TECPR2: variants seen among roughly 807,000 people sequenced by gnomAD.
The protein encoded by TECPR2 is tectonin beta-propeller repeat-containing protein 2.
Under a neutral mutation model 138.1 loss-of-function variants are expected in TECPR2, and 65 were observed. That is an observed-to-expected ratio of 0.47 (90% CI 0.39 to 0.58). The LOEUF is 0.58. TECPR2 is among the 20% of genes least tolerant of loss of function. The pLI, the probability that TECPR2 is intolerant of heterozygous loss-of-function variation, is 0.00. For synonymous variants in TECPR2, 746 were observed against 749.8 expected (o/e 0.99, Z 0.08); for missense variants, 1,553 against 1,824.5 (o/e 0.85, Z 2.71).
intron 2 of TECPR2, among the ~76,000 whole-genome samples, chr14:102,402,009 A>G (rs1471526582): frequency 1.3e-5 from 2 of 152,166 alleles, no homozygotes; most frequent in Non-Finnish European, 2.9e-5. Context: ...CCCACTATCA[A>G]TAATGGATAG....
chr14:102,412,261 A>G (rs1296866758), intron 4 of TECPR2, among the ~76,000 whole-genome samples: 7 of 150,784 alleles, frequency 4.6e-5, no homozygotes, highest in Non-Finnish European at 1.0e-4. Context: ...CCTCCCGAGT[A>G]GCTGGGACTA....
intron 1 of TECPR2, among the ~76,000 whole-genome samples, chr14:102,373,068 T>A (rs1382853173): frequency 6.6e-6 from 1 of 152,168 alleles, no homozygotes; most frequent in Non-Finnish European, 1.5e-5. Flanking sequence ...ACTATTTCTG[T>A]GCCTTGGAAA....
chr14:102,407,395 G>A lies in TECPR2; in HGVS notation c.277G>A (p.Ala93Thr). The change falls in exon 3 of 20, where the codon GCA (alanine) becomes ACA (threonine). Residue 93 changes from alanine (A) to threonine (T), a missense_variant. Physicochemically the swap from Ala to Thr is moderately conservative, Grantham distance 58. Coordinates refer to ENST00000359520, the MANE Select transcript of TECPR2 (RefSeq NM_014844.5). Reference protein sequence around the residue: ...KLLSCFDDLVAAGTASGRVAV... With the variant: ...KLLSCFDDLVTAGTASGRVAV... ...GCTGAGCTGCTTTGATGACCTGGTG[G>A]CAGCAGGCACAGCCTCTGGCAGGGT... 2 of 1,613,702 alleles carry A rather than the reference G, an allele frequency of 1.2e-6. No homozygotes were observed. Among genetic ancestry groups the A allele is most frequent in the Non-Finnish European group, 1.7e-6 (2 of 1,179,820 alleles).
At chr14:102,433,209 A>G (rs1201246800) in intron 8 of TECPR2, among the ~76,000 whole-genome samples, 1 of 151,706 alleles carries the variant, frequency 6.6e-6, no homozygotes, top group Non-Finnish European at 1.5e-5. Flanking sequence ...TTTTATTTTA[A>G]ATACAGGGGG....
At chr14:102,438,575 C>T (rs1889744124) in intron 10 of TECPR2, 1 of 185,950 alleles carries the variant, frequency 5.4e-6, no homozygotes, top group Non-Finnish European at 1.1e-5. Context: ...GTTTCTCTTT[C>T]TCATTGTTGC....
chr14:102,382,043 C>T (rs1412326156), intron 2 of TECPR2, among the ~76,000 whole-genome samples: 1 of 152,124 alleles, frequency 6.6e-6, no homozygotes, highest in African/African-American at 2.4e-5. Context: ...CCTGTAATCC[C>T]AGCACTTTGG....
chr14:102,463,811 C>T (rs961152472), intron 16 of TECPR2, among the ~76,000 whole-genome samples: 1 of 151,382 alleles, frequency 6.6e-6, no homozygotes, highest in African/African-American at 2.4e-5. Context: ...GTAATCCCAG[C>T]TACTCAGGAG....
At chr14:102,491,748 C>T (rs1891164677) in intron 17 of TECPR2, among the ~76,000 whole-genome samples, 1 of 152,200 alleles carries the variant, frequency 6.6e-6, no homozygotes, top group Non-Finnish European at 1.5e-5. Flanking sequence ...CCACTCCAGG[C>T]AGAGTCAGGG....
At chr14:102,484,768 C>T (rs532899027) in intron 17 of TECPR2, among the ~76,000 whole-genome samples, 51 of 152,174 alleles carry the variant, frequency 3.4e-4, no homozygotes, top group Non-Finnish European at 5.9e-4. Context: ...AAGCAATTCT[C>T]TGCCTCAGCC....
intron 17 of TECPR2, among the ~76,000 whole-genome samples, chr14:102,490,093 C>A (rs1474314538): frequency 6.6e-6 from 1 of 152,132 alleles, no homozygotes; most frequent in Non-Finnish European, 1.5e-5. Flanking sequence ...TGAATCAGGT[C>A]ACTGTGATGA....
rs184987682 is a variant in TECPR2 at position 102,472,568 on chromosome 14, A to G, written c.3789+7279A>G. On this transcript the variant is annotated intron_variant, in intron 17 of 19. Transcript: ENST00000359520. ...TCATTGAGTTAGCTTTTAGCATGCTATGGAAGACATTCAGTTTGCCATGGA... is the reference window on the plus strand; with the variant it reads ...TCATTGAGTTAGCTTTTAGCATGCTGTGGAAGACATTCAGTTTGCCATGGA... Among the ~76,000 whole-genome samples the G allele has an allele frequency of 4.5e-3, 681 of 152,338 alleles. 2 individuals are homozygous for G. Among genetic ancestry groups the G allele is most frequent in the Non-Finnish European group, 6.9e-3 (471 of 68,032 alleles).
rs1373201713 is a variant in TECPR2 at position 102,415,034 on chromosome 14, G to A, written c.638+241G>A. Among the ~76,000 whole-genome samples, 1 of 152,168 alleles carries A rather than the reference G, an allele frequency of 6.6e-6. No individual in the cohort carries two copies. Among genetic ancestry groups the A allele is most frequent in the Non-Finnish European group, 1.5e-5 (1 of 68,026 alleles). ...AGGAGCCTGCACACACAGCCACTCT[G>A]CCTCTCAGGGTGCCACAGTCAGCGC... is the stretch of plus-strand genomic sequence containing the variant. On this transcript the variant is annotated intron_variant, in intron 5 of 19. Coordinates refer to ENST00000359520, the MANE Select transcript of TECPR2 (RefSeq NM_014844.5). The surrounding 1 kb of genome is among the most constrained non-coding windows in gnomAD (Gnocchi z 4.3).
intron 1 of TECPR2, among the ~76,000 whole-genome samples, chr14:102,366,607 A>G (rs953008783): frequency 2.0e-5 from 3 of 152,216 alleles, no homozygotes; most frequent in Non-Finnish European, 4.4e-5. Flanking sequence ...TCGGCCTCCC[A>G]AAGTGCTGGG....
At chr14:102,457,362 G>A (rs1890300270) in intron 16 of TECPR2, among the ~76,000 whole-genome samples, 2 of 152,142 alleles carry the variant, frequency 1.3e-5, no homozygotes, top group South Asian at 4.1e-4. Flanking sequence ...TGGGATTACA[G>A]GTGTGAGCCA....
intron 12 of TECPR2, among the ~76,000 whole-genome samples, 182 bp downstream of exon 12, chr14:102,444,009 C>T (rs1889904359): frequency 6.6e-6 from 1 of 152,152 alleles, no homozygotes; most frequent in South Asian, 2.1e-4. Context: ...TGAGTCAGAG[C>T]TCGCTTTTTA....
At chr14:102,468,731 T>C (rs927717203) in intron 17 of TECPR2, among the ~76,000 whole-genome samples, 3 of 152,258 alleles carry the variant, frequency 2.0e-5, no homozygotes, top group African/African-American at 7.2e-5. Context: ...CTAGCAGTTT[T>C]GTAGTTTTAG....
chr14:102,431,554 G>A lies in TECPR2; in HGVS notation c.1085-242G>A, dbSNP rs541537021. On this transcript the variant is annotated intron_variant, in intron 7 of 19. Transcript: ENST00000359520. ...AGACGGGGTTTCACTGTGTTAGCCA[G>A]GATGGTCTTGATCTCCTGACCTTGT... is the stretch of plus-strand genomic sequence containing the variant. 0.015 allele frequency among the ~76,000 whole-genome samples: 2,351 copies of A among 152,228 alleles called. 30 individuals carry two copies. Among genetic ancestry groups the A allele is most frequent in the Middle Eastern group, 0.027 (8 of 294 alleles).
chr14:102,428,226 T>TG lies in TECPR2; in HGVS notation c.952-24_952-23insG, dbSNP rs774206262. The TG allele has an allele frequency of 6.1e-5, 70 of 1,145,332 alleles. No individual in the cohort carries two copies. In the South Asian group the frequency reaches 8.1e-4, roughly 13 times the overall value. The allele number at this position is 1,145,332 out of a possible 1,614,324, so 70.9% of individuals were successfully genotyped here. A position where few individuals can be genotyped will look rare whatever the true frequency, so the allele number is the denominator to read the frequency against. ...TTGTTTAGTTTTGTGTTTTTTGTTT[T>TG]TTTTTTTTTTTTTTTTTTGACAGGC... On this transcript the variant is annotated intron_variant, in intron 6 of 19. Coordinates refer to ENST00000359520, the MANE Select transcript of TECPR2 (RefSeq NM_014844.5).
intron 2 of TECPR2, among the ~76,000 whole-genome samples, chr14:102,401,696 T>C (rs1472953320): frequency 3.5e-5 from 5 of 144,404 alleles, no homozygotes; most frequent in Admixed American, 7.1e-5. Context: ...TCCCAGCTAC[T>C]CAGGAGGCTG....
Sources: allele counts gnomAD v4.1 joint callset (sites outside exome capture counted in the v4.1 genomes callset), GRCh38; gene constraint gnomAD v4.1.1; non-coding constraint Gnocchi (gnomAD v3.1); transcripts MANE v1.5; gene names NCBI Gene and HGNC (gene_info 2026-07-23, HGNC 2026-07-21).